NGEF: variants seen among roughly 807,000 people sequenced by gnomAD.
NGEF encodes the protein neuronal guanine nucleotide exchange factor.
NGEF carries 31 observed loss-of-function variants against 80.9 expected under a neutral mutation model. The ratio of observed to expected loss-of-function variants is 0.38; its 90% CI spans 0.29 to 0.52. The LOEUF (loss-of-function observed/expected upper bound fraction) is 0.52, where lower values mean the gene tolerates loss of function less well. Ranked by LOEUF, NGEF falls within the 20% of genes least tolerant of loss-of-function variation. The pLI, the probability that NGEF is intolerant of heterozygous loss-of-function variation, is 0.84. For synonymous variants in NGEF, 371 were observed against 370.2 expected, an observed-to-expected ratio of 1.00 and a Z score of -0.03; for missense variants, 709 against 926.2, an observed-to-expected ratio of 0.77 and a Z score of 3.04.
At chr2:232,943,552 G>C (rs1023517878) in intron 3 of NGEF, among the ~76,000 whole-genome samples, 2 of 122,280 alleles carry the variant, frequency 1.6e-5, no homozygotes, top group African/African-American at 5.8e-5. Flanking sequence ...CTGGAGTGCA[G>C]TGGCGCGATC....
chr2:233,012,796 TA>T, intron 1 of NGEF: 11 of 469,112 alleles, frequency 2.3e-5, no homozygotes, highest in South Asian at 1.7e-4. Flanking sequence ...TGATCTCACT[TA>T]CCCCACAGCC....
At chr2:232,990,347 C>T (rs1057218186) in intron 1 of NGEF, among the ~76,000 whole-genome samples, 10 of 152,088 alleles carry the variant, frequency 6.6e-5, no homozygotes, top group African/African-American at 2.4e-4. Context: ...TATAAAGGAA[C>T]AACTTGAGAG....
chr2:232,969,633 C>T (rs573634600), intron 3 of NGEF, among the ~76,000 whole-genome samples: 31 of 151,840 alleles, frequency 2.0e-4, no homozygotes, highest in Admixed American at 7.2e-4. Context: ...CTCAGCCTCC[C>T]GAGTAGCTGG....
At chr2:232,982,191 A>T (rs1559234367) in intron 1 of NGEF, among the ~76,000 whole-genome samples, 1 of 152,162 alleles carries the variant, frequency 6.6e-6, no homozygotes, top group East Asian at 1.9e-4. Flanking sequence ...AGCAGGTGAC[A>T]CTGAAACATC....
intron 8 of NGEF, chr2:232,891,084 T>G (rs1574991839): frequency 1.8e-6 from 1 of 551,262 alleles, no homozygotes; most frequent in East Asian, 4.5e-5. Flanking sequence ...CAACTGGCAG[T>G]GGCCAGCCAG....
intron 5 of NGEF, among the ~76,000 whole-genome samples, chr2:232,906,006 G>A (rs1361188294): frequency 2.0e-4 from 27 of 132,438 alleles, no homozygotes; most frequent in Non-Finnish European, 3.9e-4. Flanking sequence ...CAGCCGCCCC[G>A]TCCGGGAGGG....
intron 1 of NGEF, among the ~76,000 whole-genome samples, chr2:232,980,787 G>C (rs1694397248): frequency 6.6e-6 from 1 of 152,024 alleles, no homozygotes; most frequent in Non-Finnish European, 1.5e-5. Context: ...GCATGAGTCA[G>C]ACAGCTCGCA....
intron 1 of NGEF, chr2:233,012,581 GC>G (rs1695234953): frequency 3.5e-6 from 1 of 285,936 alleles, no homozygotes; most frequent in African/African-American, 2.3e-5. Flanking sequence ...AGGAATCAGG[GC>G]ACTTCCGTTT....
At chr2:232,896,628 AGG>A (rs1465712995) in intron 5 of NGEF, among the ~76,000 whole-genome samples, 1 of 43,638 alleles carries the variant, frequency 2.3e-5, no homozygotes, top group African/African-American at 1.0e-4. Context: ...GGTTGAGGGT[AGG>A]AGTGGGGGTG....
intron 1 of NGEF, among the ~76,000 whole-genome samples, chr2:232,985,660 G>A (rs1243663985): frequency 8.5e-5 from 13 of 152,210 alleles, no homozygotes; most frequent in African/African-American, 1.2e-4. Flanking sequence ...GGCTAAGGCC[G>A]GAGAATGGCG....
At chr2:232,900,240 G>A (rs1182221969) in intron 5 of NGEF, among the ~76,000 whole-genome samples, 10 of 92,388 alleles carry the variant, frequency 1.1e-4, no homozygotes, top group East Asian at 4.0e-4. Flanking sequence ...ACACACACAC[G>A]CTCTCAGTCA....
chr2:232,985,749 C>T (rs1829160), intron 1 of NGEF, among the ~76,000 whole-genome samples: 80,157 of 151,438 alleles, frequency 0.53, 22,796 homozygotes, highest in East Asian at 0.91. Context: ...ACACTCTGTC[C>T]GTCTCAAAAC....
chr2:232,920,726 A>C, intron 4 of NGEF, 141 bp from the exon 5 acceptor site: 1 of 631,944 alleles, frequency 1.6e-6, no homozygotes, highest in Non-Finnish European at 2.4e-6. Context: ...CCCTGCACCC[A>C]TCTCAGCGGC....
chr2:233,012,828 A>C, intron 1 of NGEF: 2 of 470,934 alleles, frequency 4.2e-6, no homozygotes, highest in Non-Finnish European at 4.4e-6. Flanking sequence ...AGCGCCTGGA[A>C]GGAGTCCTTA....
chr2:232,957,795 G>A (rs1356502834), intron 3 of NGEF, among the ~76,000 whole-genome samples: 1 of 152,164 alleles, frequency 6.6e-6, no homozygotes, highest in African/African-American at 2.4e-5. Flanking sequence ...TCCTCCTCCA[G>A]TGTCACACCT....
chr2:232,954,592 G>T (rs973431417), intron 3 of NGEF, among the ~76,000 whole-genome samples: 2 of 152,088 alleles, frequency 1.3e-5, no homozygotes, highest in Admixed American at 1.3e-4. Context: ...AGGCGTGGTG[G>T]CAGGTGCCTG....
rs535907930 is a variant in NGEF at position 232,915,650 on chromosome 2, G to A, written c.828+4634C>T. 5.3e-5 allele frequency among the ~76,000 whole-genome samples: 8 copies of A among 152,120 alleles called. No individual in the cohort carries two copies. The South Asian group carries it at 6.2e-4, about 12-fold the overall frequency. On this transcript the variant is annotated intron_variant, in intron 5 of 14. Transcript: ENST00000264051. ...CCACTCCTGTAGGATAGTGGAGTGC[G>A]CATGGCAACGTCTCCTCTTGTTTCT...
intron 3 of NGEF, among the ~76,000 whole-genome samples, chr2:232,947,662 G>A (rs986423256): frequency 6.6e-6 from 1 of 152,220 alleles, no homozygotes; most frequent in African/African-American, 2.4e-5. Context: ...ACGTAGAACT[G>A]TGGGTCAACT....
At chr2:232,888,308 G>A (rs924227202) in intron 8 of NGEF, among the ~76,000 whole-genome samples, 1 of 151,092 alleles carries the variant, frequency 6.6e-6, no homozygotes, top group Non-Finnish European at 1.5e-5. Context: ...GTGCATACAT[G>A]CTCGCACACA....
Sources: allele counts gnomAD v4.1 joint callset (sites outside exome capture counted in the v4.1 genomes callset), GRCh38; gene constraint gnomAD v4.1.1; transcripts MANE v1.5; gene names NCBI Gene and HGNC (gene_info 2026-07-23, HGNC 2026-07-21).